The following DZANK1 variants were observed in gnomAD, a reference collection of about 807,000 sequenced individuals.
The protein encoded by DZANK1 is double zinc ribbon and ankyrin repeat domains 1.
A neutral mutation model predicts 94.5 loss-of-function variants in DZANK1; 91 were observed. The observed-to-expected ratio is 0.96, with a 90% CI of 0.81 to 1.15. DZANK1 has a LOEUF of 1.15. DZANK1 is among the 50% of genes most tolerant of loss of function. The pLI, the probability that DZANK1 is intolerant of heterozygous loss-of-function variation, is 0.00. For synonymous variants in DZANK1, 312 were observed against 325.3 expected, an observed-to-expected ratio of 0.96 and a Z score of 0.44; for missense variants, 903 against 916.4, an observed-to-expected ratio of 0.99 and a Z score of 0.19.
chr20:18,462,483 T>C (rs1467764307), intron 2 of DZANK1, among the ~76,000 whole-genome samples: 2 of 152,158 alleles, frequency 1.3e-5, no homozygotes, highest in African/African-American at 4.8e-5. Flanking sequence ...GATATACAAG[T>C]GGCCAACACA....
intron 7 of DZANK1, among the ~76,000 whole-genome samples, chr20:18,446,232 G>A (rs2058876660): frequency 6.6e-6 from 1 of 151,934 alleles, no homozygotes; most frequent in African/African-American, 2.4e-5. Flanking sequence ...GTGACAGAGT[G>A]AGACCCTAAG....
chr20:18,394,428 C>A lies in DZANK1; in HGVS notation c.1612-78G>T, dbSNP rs552148758. The A allele has an allele frequency of 1.2e-4, 161 of 1,348,852 alleles. 3 individuals are homozygous for A. The South Asian group carries it at 1.8e-3, about 15-fold the overall frequency. 83.6% of individuals were successfully genotyped at this position (1,348,852 alleles called of 1,614,324 possible). A position where few individuals can be genotyped will look rare whatever the true frequency, so the allele number is the denominator to read the frequency against. Reference sequence around the variant, plus strand: ...CTAGAAAGAAGGATCTCCCTTCTAACCTGCTCCTCCTTATTAAGTACAGCT... The same window carrying A: ...CTAGAAAGAAGGATCTCCCTTCTAAACTGCTCCTCCTTATTAAGTACAGCT... On this transcript the variant is annotated intron_variant, in intron 15 of 20. Transcript: ENST00000262547.
intron 3 of DZANK1, 79 bp downstream of exon 3, chr20:18,460,074 T>C: frequency 9.1e-7 from 1 of 1,104,090 alleles, no homozygotes; most frequent in East Asian, 2.7e-5. Context: ...GCACTGATTC[T>C]GATAGGAAAA....
intron 20 of DZANK1, 120 bp from the exon 21 acceptor site, chr20:18,384,684 C>T (rs1181636289): frequency 2.6e-5 from 29 of 1,107,904 alleles, no homozygotes; most frequent in Non-Finnish European, 3.5e-5. Context: ...CCTCCCCAAA[C>T]CTCTCCCCAA....
At chr20:18,394,026 G>A (rs1034062686) in intron 16 of DZANK1, among the ~76,000 whole-genome samples, 11 of 152,104 alleles carry the variant, frequency 7.2e-5, no homozygotes, top group Non-Finnish European at 1.5e-4. Context: ...GAGGGACTTC[G>A]GTTTTTAGGT....
rs1163468798 is a variant in DZANK1, at chr20:18,414,347, C to T, written c.1242+1G>A. On this transcript the variant is annotated splice_donor_variant, in intron 12 of 20. Transcript: ENST00000262547. LOFTEE classifies it high-confidence loss of function. ...AGTTCTTACTACAGGGGAGGCCTCA[C>T]CTCAGAAAAAGGGCGAGGTTCCTCA... 5.0e-6 allele frequency: 8 copies of T among 1,613,700 alleles called. No homozygotes were observed. The highest frequency in any genetic ancestry group is 4.5e-5 in the East Asian group (2 of 44,878).
At position 18,389,770 on chromosome 20, in the gene DZANK1, A is replaced by AT; in HGVS notation, c.1948dup (p.Met650AsnfsTer3). The AT allele has an allele frequency of 6.2e-7, 1 of 1,613,992 alleles. No individual in the cohort carries two copies. Among genetic ancestry groups the AT allele is most frequent in the East Asian group, 2.2e-5 (1 of 44,876 alleles). ...TGGAATCGCTTCATGGTGCTTATTC[A>AT]TAACAGCCACGGTTATGACGGGTCG... On this transcript the variant is annotated frameshift_variant, in exon 19 of 21. Coordinates refer to ENST00000262547, the Ensembl canonical transcript of DZANK1. LOFTEE classifies it high-confidence loss of function.
intron 13 of DZANK1, 110 bp downstream of exon 13, chr20:18,412,536 C>T (rs1423801662): frequency 7.1e-6 from 8 of 1,128,620 alleles, no homozygotes; most frequent in Middle Eastern, 6.1e-4. Flanking sequence ...AAGAAAGAAA[C>T]TTACTTCTTA....
intron 17 of DZANK1, among the ~76,000 whole-genome samples, chr20:18,392,892 C>T (rs1432307642): frequency 6.6e-6 from 1 of 152,156 alleles, no homozygotes; most frequent in Non-Finnish European, 1.5e-5. Context: ...TTAAATTAAT[C>T]CATATGGAGG....
intron 13 of DZANK1, among the ~76,000 whole-genome samples, chr20:18,402,647 C>T (rs560553409): frequency 9.2e-5 from 14 of 152,244 alleles, no homozygotes; most frequent in African/African-American, 3.4e-4. Context: ...TCAAGTCACC[C>T]GCTTGGCCTT....
In DZANK1 at chr20:18,393,857, T is replaced by G. The variant is rs189597004; in HGVS notation, c.1709-46A>C. The G allele has an allele frequency of 1.9e-3, 2,411 of 1,240,214 alleles. 34 individuals carry two copies. The highest frequency in any genetic ancestry group is 3.7e-3 in the East Asian group (160 of 43,022). The allele number at this position is 1,240,214 out of a possible 1,614,324, so 76.8% of individuals were successfully genotyped here. A position where few individuals can be genotyped will look rare whatever the true frequency, so the allele number is the denominator to read the frequency against. ...AAAAAAATGATGCCCCTCCCCCAAC[T>G]CCCCACACAAACAGTTATTTCTTAC... On this transcript the variant is annotated intron_variant, in intron 16 of 20. Transcript: ENST00000262547.
chr20:18,451,518 G>A (rs1184124184), intron 6 of DZANK1, among the ~76,000 whole-genome samples: 1 of 151,848 alleles, frequency 6.6e-6, no homozygotes, highest in Non-Finnish European at 1.5e-5. Context: ...TAGTGATCTC[G>A]TTCAGACCTA....
At chr20:18,389,738 C>T (rs766364620) in exon 19 of DZANK1, 65 of 1,613,806 alleles carry the variant, frequency 4.0e-5, no homozygotes, top group South Asian at 6.6e-5. Context: ...CCTCTCTGCA[C>T]GAGAACTGGA....
rs540659547 is a variant in DZANK1, at chr20:18,448,939, A to G, written c.629+45T>C. The G allele has an allele frequency of 2.0e-5, 29 of 1,472,806 alleles. No individual in the cohort carries two copies. In the African/African-American group the frequency reaches 2.8e-4, roughly 14 times the overall value. The allele number at this position is 1,472,806 out of a possible 1,614,324, so 91.2% of individuals were successfully genotyped here. On this transcript the variant is annotated intron_variant, in intron 7 of 20. Coordinates refer to ENST00000262547, the Ensembl canonical transcript of DZANK1. ...TTTAAATTCTCTTTGACCATGATGT[A>G]TCTTTGTAGGATTTAAGGCAGAGTA...
In DZANK1 at chr20:18,454,878, C is replaced by T. The variant is rs919240522; in HGVS notation, c.378+369G>A. Among the ~76,000 whole-genome samples the T allele has an allele frequency of 4.6e-5, 7 of 152,340 alleles. No individual in the cohort carries two copies. In the East Asian group the frequency reaches 7.7e-4, roughly 17 times the overall value. On this transcript the variant is annotated intron_variant, in intron 4 of 20. Coordinates refer to ENST00000262547, the Ensembl canonical transcript of DZANK1. ...GATAGCAGTGATAGGGCATAGCAAA[C>T]ACACTCCAGTTTGGTTGGAGTATAT...
chr20:18,390,988 G>A (rs2055937155), intron 17 of DZANK1, among the ~76,000 whole-genome samples: 1 of 152,126 alleles, frequency 6.6e-6, no homozygotes. Context: ...TTGAGGTCAG[G>A]AGTTTGAGAC....
intron 10 of DZANK1, among the ~76,000 whole-genome samples, chr20:18,418,794 A>G (rs762427884): frequency 5.3e-5 from 8 of 152,224 alleles, no homozygotes; most frequent in Non-Finnish European, 7.3e-5. Context: ...GCAAAGAAAT[A>G]GAAACAATAA....
chr20:18,466,140 C>T (rs1459913700), intron 1 of DZANK1, among the ~76,000 whole-genome samples: 1 of 152,210 alleles, frequency 6.6e-6, no homozygotes, highest in Non-Finnish European at 1.5e-5. Context: ...CTCACCTTAA[C>T]ACAACAACCA....
intron 15 of DZANK1, among the ~76,000 whole-genome samples, chr20:18,396,024 T>C (rs2056322079): frequency 6.6e-6 from 1 of 152,206 alleles, no homozygotes; most frequent in Admixed American, 6.5e-5. Flanking sequence ...CCAGTGAAAC[T>C]AAAGCTGCTA....
Sources: gnomAD v4.1 joint callset for allele counts (sites outside exome capture counted in the v4.1 genomes callset) on GRCh38, gnomAD v4.1.1 for gene constraint, MANE v1.5 for transcripts, NCBI Gene and HGNC (gene_info 2026-07-23, HGNC 2026-07-21) for gene names.